TASOR2: variants seen among roughly 807,000 people sequenced by gnomAD.
TASOR2 encodes the protein protein TASOR 2.
In TASOR2, 84 loss-of-function variants were observed where a neutral mutation model predicts 199.5. The ratio of observed to expected loss-of-function variants is 0.42; its 90% CI spans 0.35 to 0.50. The LOEUF (loss-of-function observed/expected upper bound fraction) is 0.50. Among genes scored for constraint, TASOR2 ranks in the 20% least tolerant of loss-of-function variants. TASOR2 has a pLI of 0.02. For synonymous variants in TASOR2, 1,103 were observed against 1,046.6 expected, an observed-to-expected ratio of 1.05 and a Z score of -1.04; for missense variants, 2,796 against 2,835.9, an observed-to-expected ratio of 0.99 and a Z score of 0.32.
intron 1 of TASOR2, among the ~76,000 whole-genome samples, chr10:5,708,869 T>G (rs1831554745): frequency 6.6e-6 from 1 of 151,894 alleles, no homozygotes; most frequent in Non-Finnish European, 1.5e-5. Flanking sequence ...GCCTGGCTAA[T>G]TTTTGTATTT....
At position 5,748,098 on chromosome 10, in the gene TASOR2, T is replaced by A; in HGVS notation, c.4677T>A (p.Asn1559Lys). 1 of 1,614,222 alleles carries A rather than the reference T, an allele frequency of 6.2e-7. No individual in the cohort carries two copies. The change falls in exon 15 of 21, where the codon AAT becomes AAA. Residue 1559 changes from asparagine (N) to lysine (K), a missense_variant. Coordinates refer to ENST00000328090, the Ensembl canonical transcript of TASOR2. This position sits in a 1 kb window ranked among gnomAD's most constrained non-coding sequence, Gnocchi z 5.1. ...CATTGCAGCCAGTTAGTATAGAGAA[T>A]AGAAATTTGGACTTAAAACATCTTG...
chr10:5,718,682 C>T (rs1198664210), intron 3 of TASOR2, among the ~76,000 whole-genome samples: 2 of 151,508 alleles, frequency 1.3e-5, no homozygotes, highest in Non-Finnish European at 2.9e-5. Context: ...TCACTTGAAC[C>T]TGGAAGGCGG....
chr10:5,708,622 C>CCCTT (rs1831471521), intron 1 of TASOR2, among the ~76,000 whole-genome samples: 1 of 15,164 alleles, frequency 6.6e-5, no homozygotes, highest in African/African-American at 1.6e-4. Flanking sequence ...CTCCCTCCCT[C>CCCTT]CCTCCCTTCC....
At chr10:5,747,281 C>G in exon 15 of TASOR2, 2 of 1,614,190 alleles carry the variant, frequency 1.2e-6, no homozygotes, top group Non-Finnish European at 1.7e-6. Context: ...TTAGCTCTAA[C>G]AATATCACCA....
Position 5,689,896 on chromosome 10 carries a change from G to C in TASOR2, c.-288+4721G>C, listed in dbSNP as rs1836233768. Among the ~76,000 whole-genome samples, 1 of 152,114 alleles carries C rather than the reference G, an allele frequency of 6.6e-6. No individual in the cohort carries two copies. The highest frequency in any genetic ancestry group is 2.1e-4 in the South Asian group (1 of 4,832). On this transcript the variant is annotated intron_variant, in intron 1 of 20. Transcript: ENST00000328090. This position sits in a 1 kb window ranked among gnomAD's most constrained non-coding sequence, Gnocchi z 4.1. Reference sequence around the variant, plus strand: ...TTAAAAGTAAAACAGGAAATCTCTGGAACTAGTCTTTTGGAAGAGGGGGTA... The same window carrying C: ...TTAAAAGTAAAACAGGAAATCTCTGCAACTAGTCTTTTGGAAGAGGGGGTA...
At chr10:5,703,232 GT>G (rs1838121298) in intron 1 of TASOR2, among the ~76,000 whole-genome samples, 1 of 152,094 alleles carries the variant, frequency 6.6e-6, no homozygotes, top group Non-Finnish European at 1.5e-5. Context: ...TTTAAAGGGA[GT>G]ACTTTAATGT....
exon 12 of TASOR2, chr10:5,735,404 T>G: frequency 6.2e-7 from 1 of 1,614,008 alleles, no homozygotes; most frequent in Non-Finnish European, 8.5e-7. Flanking sequence ...CAACAAATGC[T>G]AAAAGGGCAA....
chr10:5,710,934 A>G lies in TASOR2; in HGVS notation c.-287-1889A>G, dbSNP rs1831828971. On this transcript the variant is annotated intron_variant, in intron 1 of 20. Coordinates refer to ENST00000328090, the Ensembl canonical transcript of TASOR2. The surrounding 1 kb of genome is among the most constrained non-coding windows in gnomAD (Gnocchi z 4.6). The stretch of plus-strand genomic sequence containing the variant: ...GAATTTGAAAATGCTCAGGTTTGCC[A>G]GTTTGTTTTGAGTAATGCAGCTAAT... Among the ~76,000 whole-genome samples the G allele has an allele frequency of 6.6e-6, 1 of 152,106 alleles. No individual in the cohort carries two copies. Among genetic ancestry groups the G allele is most frequent in the Non-Finnish European group, 1.5e-5 (1 of 67,942 alleles).
rs116768481 is a variant in TASOR2 at position 5,762,462 on chromosome 10, A to C, written c.7175-70A>C. The C allele has an allele frequency of 1.9e-3, 794 of 413,416 alleles. 7 individuals carry two copies. Among genetic ancestry groups the C allele is most frequent in the African/African-American group, 0.016 (743 of 47,258 alleles). The allele number at this position is 413,416 out of a possible 1,614,324, so 25.6% of individuals were successfully genotyped here. The stretch of plus-strand genomic sequence containing the variant: ...GTTCCACAGATTTTTTAAAATAAAA[A>C]ACCAGGTCCTGTTATATAAAAGTAC... On this transcript the variant is annotated intron_variant, in intron 19 of 20. Transcript: ENST00000328090.
In TASOR2 at chr10:5,701,385, G is replaced by A. The variant is rs569854346; in HGVS notation, c.-287-11438G>A. Among the ~76,000 whole-genome samples the A allele has an allele frequency of 1.3e-5, 2 of 152,244 alleles. No individual in the cohort carries two copies. Among genetic ancestry groups the A allele is most frequent in the South Asian group, 4.1e-4 (2 of 4,820 alleles). ...AGCTTTGTAGTAAATTTTGAAGTCA[G>A]GTAGTGTGATGCCTCCAGCTTTGTT... On this transcript the variant is annotated intron_variant, in intron 1 of 20. Coordinates refer to ENST00000328090, the Ensembl canonical transcript of TASOR2. The surrounding 1 kb of genome is among the most constrained non-coding windows in gnomAD (Gnocchi z 4.9).
chr10:5,759,690 AAGT>A (rs1220994731), intron 18 of TASOR2, among the ~76,000 whole-genome samples: 3 of 152,260 alleles, frequency 2.0e-5, no homozygotes, highest in Admixed American at 1.3e-4. Context: ...AAGGTCAAAC[AAGT>A]AGTAAGTTAT....
At chr10:5,700,313 A>G (rs1837659946) in intron 1 of TASOR2, among the ~76,000 whole-genome samples, 1 of 152,000 alleles carries the variant, frequency 6.6e-6, no homozygotes, top group Non-Finnish European at 1.5e-5. Context: ...TGTGTATACT[A>G]CATTTTCTTT....
chr10:5,721,018 T>C lies in TASOR2; in HGVS notation c.146+48T>C, dbSNP rs199582653. On this transcript the variant is annotated intron_variant, in intron 6 of 20. Coordinates refer to ENST00000328090, the Ensembl canonical transcript of TASOR2. ...TTTACTAATGCTTATATTACAAGTT[T>C]TGGGGTTTTTTTTCCTCACCTCATT... is the stretch of plus-strand genomic sequence containing the variant. 3.7e-5 allele frequency: 56 copies of C among 1,499,688 alleles called. No individual in the cohort carries two copies. The African/African-American group carries it at 7.6e-4, about 20-fold the overall frequency. 92.9% of individuals were successfully genotyped at this position (1,499,688 alleles called of 1,614,324 possible). A position where few individuals can be genotyped will look rare whatever the true frequency, so the allele number is the denominator to read the frequency against.
Position 5,690,093 on chromosome 10 carries a change from ATCG to A in TASOR2, c.-288+4921_-288+4923del, listed in dbSNP as rs1363346481. On this transcript the variant is annotated intron_variant, in intron 1 of 20. Coordinates refer to ENST00000328090, the Ensembl canonical transcript of TASOR2. This position sits in a 1 kb window ranked among gnomAD's most constrained non-coding sequence, Gnocchi z 4.8. ...ATATCTTCCTTGTATTTGTGGTTGT[ATCG>A]TCTTTGCTTTCAATATTTAATTTTT... Among the ~76,000 whole-genome samples, 1 of 152,106 alleles carries A rather than the reference ATCG, an allele frequency of 6.6e-6. No individual in the cohort carries two copies. The highest frequency in any genetic ancestry group is 1.5e-5 in the Non-Finnish European group (1 of 68,012).
Position 5,698,292 on chromosome 10 carries a change from AG to A in TASOR2, c.-288+13119del, listed in dbSNP as rs568139259. 1.5e-4 allele frequency among the ~76,000 whole-genome samples: 23 copies of A among 152,340 alleles called. No individual in the cohort carries two copies. The South Asian group carries it at 4.3e-3, about 29-fold the overall frequency. On this transcript the variant is annotated intron_variant, in intron 1 of 20. Coordinates refer to ENST00000328090, the Ensembl canonical transcript of TASOR2. The surrounding 1 kb of genome is among the most constrained non-coding windows in gnomAD (Gnocchi z 4.4). ...CATTGGTTGAGGGAAGATGAGAGAT[AG>A]GAGAGTGAGGGCCACCCCAGCTGAG...
At chr10:5,762,944 T>C (rs781569931) in intron 20 of TASOR2, 85 bp from the exon 22 acceptor site, 2 of 1,323,344 alleles carry the variant, frequency 1.5e-6, no homozygotes, top group Non-Finnish European at 2.1e-6. Context: ...GCATAGGCGT[T>C]TTCCCCATTA....
intron 6 of TASOR2, among the ~76,000 whole-genome samples, chr10:5,721,840 A>G (rs1443682546): frequency 3.3e-5 from 5 of 152,238 alleles, no homozygotes; most frequent in Admixed American, 1.3e-4. Context: ...GTAAACTGGC[A>G]GATACCATCT....
chr10:5,739,593 C>A, intron 12 of TASOR2, 25 bp from the exon 14 acceptor site: 1 of 1,422,952 alleles, frequency 7.0e-7, no homozygotes, highest in Non-Finnish European at 9.6e-7. Flanking sequence ...AAACATCTCT[C>A]TTTTTTTTTT....
chr10:5,731,835 T>C (rs764091400), intron 11 of TASOR2, among the ~76,000 whole-genome samples: 1 of 152,200 alleles, frequency 6.6e-6, no homozygotes, highest in Non-Finnish European at 1.5e-5. Context: ...TCTTCACAAA[T>C]GGAGGTAGAA....
Sources: gnomAD v4.1 joint callset for allele counts (sites outside exome capture counted in the v4.1 genomes callset) on GRCh38, gnomAD v4.1.1 for gene constraint, Gnocchi (gnomAD v3.1) non-coding constraint, MANE v1.5 for transcripts, NCBI Gene and HGNC (gene_info 2026-07-23, HGNC 2026-07-21) for gene names.